DPP6: variants seen among roughly 807,000 people sequenced by gnomAD.
The protein encoded by DPP6 is dipeptidyl peptidase like 6.
Under a neutral mutation model 122.6 loss-of-function variants are expected in DPP6, and 69 were observed. The observed-to-expected ratio is 0.56, with a 90% CI of 0.46 to 0.69. DPP6 has a LOEUF of 0.69. Ranked by LOEUF, DPP6 falls within the 30% of genes least tolerant of loss-of-function variation. DPP6 has a pLI of 0.00. For synonymous variants in DPP6, 418 were observed against 433.1 expected (o/e 0.97, Z 0.43); for missense variants, 928 against 1,116.9 (o/e 0.83, Z 2.41).
intron 1 of DPP6, among the ~76,000 whole-genome samples, chr7:154,352,645 G>A (rs1241535834): frequency 6.6e-6 from 1 of 151,666 alleles, no homozygotes; most frequent in Non-Finnish European, 1.5e-5. Context: ...TGGACACAGG[G>A]AGGGGAACAT....
At chr7:154,872,942 A>G (rs908065658) in intron 19 of DPP6, among the ~76,000 whole-genome samples, 1 of 152,132 alleles carries the variant, frequency 6.6e-6, no homozygotes, top group African/African-American at 2.4e-5. Flanking sequence ...TGTGACCATA[A>G]AGTGAGGCTG....
chr7:154,319,965 T>C (rs1339086356), intron 1 of DPP6, among the ~76,000 whole-genome samples: 4 of 149,856 alleles, frequency 2.7e-5, no homozygotes, highest in Non-Finnish European at 5.9e-5. Context: ...TACTCCAGCC[T>C]GGGTGACAGA....
At chr7:154,435,354 C>G (rs1368329893) in intron 1 of DPP6, among the ~76,000 whole-genome samples, 2 of 152,170 alleles carry the variant, frequency 1.3e-5, no homozygotes, top group Admixed American at 6.5e-5. Context: ...ACACGCTGCA[C>G]TGGGCCAACG....
intron 22 of DPP6, among the ~76,000 whole-genome samples, chr7:154,886,365 T>A (rs1806153961): frequency 6.6e-6 from 1 of 152,154 alleles, no homozygotes; most frequent in Non-Finnish European, 1.5e-5. Context: ...TGACCTGCTG[T>A]GGGGATCAGA....
chr7:154,498,432 A>G (rs1355525747), intron 3 of DPP6, among the ~76,000 whole-genome samples: 3 of 152,142 alleles, frequency 2.0e-5, no homozygotes, highest in African/African-American at 7.2e-5. Flanking sequence ...TCCACCTCCC[A>G]GGTTCAAGCG....
the DPP6 span, among the ~76,000 whole-genome samples, chr7:153,818,333 A>G: frequency 6.6e-6 from 1 of 152,136 alleles, no homozygotes. Flanking sequence ...AAATTTGATG[A>G]GGGGGCAATG....
At chr7:154,049,041 TGGGTTG>T (rs1800160688), upstream of DPP6, among the ~76,000 whole-genome samples, 2 of 148,948 alleles carry the variant, frequency 1.3e-5, no homozygotes, top group African/African-American at 5.0e-5. Flanking sequence ...GATAGAAAAA[TGGGTTG>T]GGGGCATTTG....
intron 1 of DPP6, among the ~76,000 whole-genome samples, chr7:154,031,690 C>T (rs1255262213): frequency 6.6e-5 from 10 of 151,990 alleles, no homozygotes; most frequent in African/African-American, 2.2e-4. Context: ...TTCAGGGGCA[C>T]GACCTAAAGG....
intron 1 of DPP6, among the ~76,000 whole-genome samples, chr7:153,998,059 C>T (rs1345478467): frequency 4.6e-5 from 7 of 151,406 alleles, no homozygotes; most frequent in Admixed American, 3.3e-4. Context: ...GTCTGCCTTG[C>T]CACCGAGTCA....
chr7:154,725,441 G>A (rs1394838353), intron 7 of DPP6, among the ~76,000 whole-genome samples: 3 of 152,160 alleles, frequency 2.0e-5, no homozygotes, highest in Admixed American at 1.3e-4. Flanking sequence ...GGGGAAGCAG[G>A]CACATCTTAC....
intron 1 of DPP6, among the ~76,000 whole-genome samples, chr7:154,129,556 C>T (rs902660453): frequency 7.2e-5 from 11 of 152,102 alleles, no homozygotes; most frequent in African/African-American, 2.4e-4. Flanking sequence ...TCAGCCCAGG[C>T]GTTTGAGACC....
chr7:154,670,976 G>A (rs1413216360), intron 7 of DPP6, among the ~76,000 whole-genome samples: 1 of 152,184 alleles, frequency 6.6e-6, no homozygotes, highest in Non-Finnish European at 1.5e-5. Flanking sequence ...AAATCACAGG[G>A]TGACAGGAGG....
chr7:154,778,641 C>T (rs949184027), intron 10 of DPP6, among the ~76,000 whole-genome samples: 3 of 150,470 alleles, frequency 2.0e-5, no homozygotes, highest in Admixed American at 6.6e-5. Context: ...CACCACCACA[C>T]CACCACCACC....
Position 154,052,576 on chromosome 7 carries a change from C to T in DPP6, c.-245C>T, listed in dbSNP as rs1391482268. 9.2e-6 allele frequency: 11 copies of T among 1,190,812 alleles called. No homozygotes were observed. The African/African-American group carries it at 1.3e-4, about 14-fold the overall frequency. 73.8% of individuals were successfully genotyped at this position (1,190,812 alleles called of 1,614,324 possible). On this transcript the variant is annotated 5_prime_UTR_variant, in exon 1 of 26. Coordinates refer to ENST00000377770, the MANE Select transcript of DPP6 (RefSeq NM_130797.4). The surrounding 1 kb of genome is among the most constrained non-coding windows in gnomAD (Gnocchi z 4.8). ...AAGAGAGAAAGCACAGCCAGAGCCC[C>T]GGCTTCGCGAGCCGCCGGGGAGGGG...
At chr7:154,736,468 T>C (rs1338940678) in intron 8 of DPP6, among the ~76,000 whole-genome samples, 3 of 152,256 alleles carry the variant, frequency 2.0e-5, no homozygotes, top group Non-Finnish European at 4.4e-5. Context: ...TAAATATTCT[T>C]CTTTTTTACC....
intron 4 of DPP6, among the ~76,000 whole-genome samples, chr7:154,564,368 C>A (rs562973861): frequency 1.3e-5 from 2 of 152,152 alleles, no homozygotes; most frequent in African/African-American, 4.8e-5. Flanking sequence ...TCAAATGTAT[C>A]CATAAGCAGG....
chr7:154,342,063 A>C (rs1490841178), intron 1 of DPP6, among the ~76,000 whole-genome samples: 3 of 152,318 alleles, frequency 2.0e-5, no homozygotes, highest in Admixed American at 6.5e-5. Context: ...AAATGTTGGC[A>C]CAGCTTCCCT....
intron 1 of DPP6, among the ~76,000 whole-genome samples, chr7:154,382,383 A>G (rs1289574908): frequency 6.6e-6 from 1 of 152,152 alleles, no homozygotes; most frequent in Non-Finnish European, 1.5e-5. Flanking sequence ...TGAAATGAGG[A>G]TTGCTGACGG....
chr7:154,010,832 G>C (rs1233422238), intron 1 of DPP6, among the ~76,000 whole-genome samples: 6 of 152,202 alleles, frequency 3.9e-5, no homozygotes, highest in Non-Finnish European at 8.8e-5. Context: ...TGCCAGACTT[G>C]TGCCGAATTC....
Sources: allele counts gnomAD v4.1 joint callset (sites outside exome capture counted in the v4.1 genomes callset), GRCh38; gene constraint gnomAD v4.1.1; non-coding constraint Gnocchi (gnomAD v3.1); transcripts MANE v1.5; gene names NCBI Gene and HGNC (gene_info 2026-07-23, HGNC 2026-07-21).